The following COL6A5 variants were observed in gnomAD, a reference collection of about 807,000 sequenced individuals.
The protein encoded by COL6A5 is collagen type VI alpha 5 chain, also known as collagen alpha-5(VI) chain.
A neutral mutation model predicts 65.6 loss-of-function variants in COL6A5; 48 were observed. The ratio of observed to expected loss-of-function variants is 0.73; its 90% CI spans 0.58 to 0.93. COL6A5 has a LOEUF of 0.93. COL6A5 is among the 40% of genes least tolerant of loss of function. The probability of loss-of-function intolerance (pLI) is 0.00; values close to 1 mark genes in which losing one functional copy is unlikely to be tolerated. For synonymous variants in COL6A5, 291 were observed against 322.8 expected, an observed-to-expected ratio of 0.90 and a Z score of 1.05; for missense variants, 914 against 928.3, an observed-to-expected ratio of 0.98 and a Z score of 0.20.
At chr3:130,431,269 T>A (rs1196124530), upstream of COL6A5, 1 of 707,094 alleles carries the variant, frequency 1.4e-6, no homozygotes, top group African/African-American at 1.7e-5. Flanking sequence ...ATATTCATGC[T>A]CTGCATTTAT....
chr3:130,390,950 A>G (rs140215377), intron 6 of COL6A5, among the ~76,000 whole-genome samples: 1 of 152,358 alleles, frequency 6.6e-6, no homozygotes, highest in East Asian at 1.9e-4. Context: ...CTGGAGTGAT[A>G]TAGATAGGGT....
chr3:130,435,036 T>C (rs1937983153), intron 1 of COL6A5, among the ~76,000 whole-genome samples: 2 of 152,224 alleles, frequency 1.3e-5, no homozygotes, highest in African/African-American at 4.8e-5. Flanking sequence ...CTGAATGGTA[T>C]TGCATAGGTT....
intron 1 of COL6A5, among the ~76,000 whole-genome samples, chr3:130,368,319 C>T (rs534323486): frequency 6.6e-6 from 1 of 152,308 alleles, no homozygotes; most frequent in South Asian, 2.1e-4. Flanking sequence ...TTCTGGAATT[C>T]CTTCTGTGTG....
At chr3:130,441,583 A>C (rs1709182231) in intron 3 of COL6A5, among the ~76,000 whole-genome samples, 1 of 152,194 alleles carries the variant, frequency 6.6e-6, no homozygotes, top group South Asian at 2.1e-4. Flanking sequence ...AACTAGAAAT[A>C]AGAATACCTC....
chr3:130,391,639 G>A (rs1403234146), exon 7 of COL6A5: 1 of 1,551,638 alleles, frequency 6.4e-7, no homozygotes, highest in Admixed American at 2.0e-5. Context: ...CCAACCAAAA[G>A]GAACTTGAGG....
intron 17 of COL6A5, among the ~76,000 whole-genome samples, chr3:130,408,745 G>A (rs779499491): frequency 2.6e-5 from 4 of 151,922 alleles, no homozygotes; most frequent in Non-Finnish European, 5.9e-5. Context: ...TCTCTCTTTT[G>A]TACTCTTTCC....
chr3:130,392,204 A>G (rs1037609427), intron 7 of COL6A5, among the ~76,000 whole-genome samples: 2 of 152,158 alleles, frequency 1.3e-5, no homozygotes, highest in Admixed American at 1.3e-4. Context: ...GGCCCTCTAA[A>G]TGAGATCATA....
chr3:130,450,617 T>G (rs1709410376), intron 4 of COL6A5, among the ~76,000 whole-genome samples: 1 of 152,136 alleles, frequency 6.6e-6, no homozygotes, highest in Admixed American at 6.5e-5. Flanking sequence ...CATTTTACAT[T>G]CGTGGTTTGC....
chr3:130,419,850 T>A (rs898031157), intron 25 of COL6A5, among the ~76,000 whole-genome samples: 3 of 152,098 alleles, frequency 2.0e-5, no homozygotes, highest in Non-Finnish European at 2.9e-5. Context: ...TCATGGTGAC[T>A]ACAGTTAATA....
intron 2 of COL6A5, among the ~76,000 whole-genome samples, chr3:130,375,577 G>T (rs953905242): frequency 3.3e-5 from 5 of 152,040 alleles, no homozygotes; most frequent in Admixed American, 6.6e-5. Context: ...AAAAATTGCT[G>T]TTAGTTCTCA....
intron 1 of COL6A5, among the ~76,000 whole-genome samples, chr3:130,347,865 G>A (rs940141548): frequency 6.6e-6 from 1 of 152,292 alleles, no homozygotes; most frequent in Non-Finnish European, 1.5e-5. Flanking sequence ...CAAGTGGAAA[G>A]TGCAAAGGAA....
intron 1 of COL6A5, among the ~76,000 whole-genome samples, chr3:130,372,976 C>T (rs1238408737): frequency 6.6e-6 from 1 of 152,056 alleles, no homozygotes; most frequent in Non-Finnish European, 1.5e-5. Flanking sequence ...TTTAATTTCC[C>T]ATGAAGCATT....
At chr3:130,359,833 T>C (rs2107619722) in intron 1 of COL6A5, among the ~76,000 whole-genome samples, 1 of 152,248 alleles carries the variant, frequency 6.6e-6, no homozygotes, top group East Asian at 1.9e-4. Context: ...TTACTTTTTC[T>C]TTACAGAAAA....
chr3:130,435,025 C>A (rs1937982467), intron 1 of COL6A5, among the ~76,000 whole-genome samples: 1 of 152,152 alleles, frequency 6.6e-6, no homozygotes, highest in African/African-American at 2.4e-5. Flanking sequence ...ATGCCTATGT[C>A]CTGAATGGTA....
intron 3 of COL6A5, among the ~76,000 whole-genome samples, chr3:130,377,182 C>T (rs573540196): frequency 1.8e-3 from 270 of 152,096 alleles, no homozygotes; most frequent in Non-Finnish European, 3.1e-3. Context: ...TGTAACTATC[C>T]ATTTCTGTGT....
At position 130,384,785 on chromosome 3, in the gene COL6A5, G is replaced by T; in HGVS notation, c.1301-19G>T. ...CTCTCTAGGTTCTCTAATTTACAGA[G>T]AATGCACTTCTTTTTCAGGCTGTGT... On this transcript the variant is annotated intron_variant and NMD_transcript_variant, in intron 4 of 41. Coordinates refer to the COL6A5 transcript ENST00000312481. The T allele has an allele frequency of 6.6e-7, 1 of 1,511,316 alleles. No individual in the cohort carries two copies. 93.6% of individuals were successfully genotyped at this position (1,511,316 alleles called of 1,614,324 possible). A position where few individuals can be genotyped will look rare whatever the true frequency, so the allele number is the denominator to read the frequency against.
intron 1 of COL6A5, among the ~76,000 whole-genome samples, chr3:130,432,287 G>C (rs909808842): frequency 5.9e-5 from 9 of 152,156 alleles, no homozygotes; most frequent in African/African-American, 2.2e-4. Context: ...GGGCGCGGTG[G>C]CTCATGCCTG....
chr3:130,391,453 C>G (rs1559874778), exon 7 of COL6A5: 9 of 1,551,686 alleles, frequency 5.8e-6, no homozygotes, highest in Non-Finnish European at 7.8e-6. Context: ...CCAAGGCTCT[C>G]AAGCACGCAA....
chr3:130,436,525 A>T (rs1709039073), intron 1 of COL6A5, among the ~76,000 whole-genome samples: 1 of 152,088 alleles, frequency 6.6e-6, no homozygotes, highest in African/African-American at 2.4e-5. Context: ...TCCCAGTCAC[A>T]TTTGGATTCC....
Sources: gnomAD v4.1 joint callset for allele counts (sites outside exome capture counted in the v4.1 genomes callset) on GRCh38, gnomAD v4.1.1 for gene constraint, MANE v1.5 for transcripts, NCBI Gene and HGNC (gene_info 2026-07-23, HGNC 2026-07-21) for gene names.